TPST2: variants seen among roughly 807,000 people sequenced by gnomAD.
TPST2 encodes the protein tyrosylprotein sulfotransferase 2, also known as protein-tyrosine sulfotransferase 2.
Under a neutral mutation model 27.8 loss-of-function variants are expected in TPST2, and 16 were observed. The ratio of observed to expected loss-of-function variants is 0.58; its 90% confidence interval spans 0.39 to 0.88. The LOEUF is 0.88. TPST2 is among the 40% of genes least tolerant of loss of function. The probability of loss-of-function intolerance (pLI) is 0.00; values close to 1 mark genes in which losing one functional copy is unlikely to be tolerated. For synonymous variants in TPST2, 229 were observed against 231.7 expected (o/e 0.99, Z 0.10); for missense variants, 464 against 543.1 (o/e 0.85, Z 1.45).
At position 26,541,813 on chromosome 22, in the gene TPST2, C is replaced by T; in HGVS notation, c.-88-95G>A. 8.2e-7 allele frequency: 1 copy of T among 1,220,722 alleles called. No individual in the cohort carries two copies. Among genetic ancestry groups the T allele is most frequent in the South Asian group, 1.6e-5 (1 of 61,822 alleles). 75.6% of individuals were successfully genotyped at this position (1,220,722 alleles called of 1,614,324 possible). A position where few individuals can be genotyped will look rare whatever the true frequency, so the allele number is the denominator to read the frequency against. On this transcript the variant is annotated intron_variant, in intron 2 of 6. Coordinates refer to ENST00000338754, the MANE Select transcript of TPST2 (RefSeq NM_003595.5). This position sits in a 1 kb window ranked among gnomAD's most constrained non-coding sequence, Gnocchi z 5.9. ...CCCTATAACTGCAAACAAGAGGCTGCTGACATGAATGCAGAGGGCACCTTT... is the reference window on the plus strand; with the variant it reads ...CCCTATAACTGCAAACAAGAGGCTGTTGACATGAATGCAGAGGGCACCTTT...
chr22:26,556,527 C>A (rs112717515), intron 1 of TPST2, among the ~76,000 whole-genome samples: 2 of 152,010 alleles, frequency 1.3e-5, no homozygotes, highest in African/African-American at 4.8e-5. Context: ...GCGACAAGAG[C>A]GAAACTCCAT....
At chr22:26,578,898 C>CTCTA (rs917272222) in intron 1 of TPST2, among the ~76,000 whole-genome samples, 2 of 150,152 alleles carry the variant, frequency 1.3e-5, no homozygotes, top group Non-Finnish European at 3.0e-5. Flanking sequence ...GTCACCCAGG[C>CTCTA]TAGAGTGCAG....
chr22:26,581,375 C>G (rs1449654723), intron 1 of TPST2, among the ~76,000 whole-genome samples: 1 of 152,194 alleles, frequency 6.6e-6, no homozygotes, highest in Non-Finnish European at 1.5e-5. Flanking sequence ...TCTCAGAACC[C>G]AGCATGGTCC....
intron 1 of TPST2, among the ~76,000 whole-genome samples, chr22:26,549,656 C>CAAA (rs71192939): frequency 5.1e-5 from 3 of 58,674 alleles, no homozygotes; most frequent in Non-Finnish European, 8.6e-5. Context: ...GACTCCGTCT[C>CAAA]AAAAAAAAAA....
At position 26,590,100 on chromosome 22, in the gene TPST2, C is replaced by T. The variant is rs960392527; in HGVS notation, c.-208G>A. ...GCCCCACGCACCCAGCGACTCCCGGCTCTCCAGCCGCCCCAGCCGGGGAAG... is the reference window on the plus strand; with the variant it reads ...GCCCCACGCACCCAGCGACTCCCGGTTCTCCAGCCGCCCCAGCCGGGGAAG... On this transcript the variant is annotated 5_prime_UTR_variant, in exon 1 of 7. Transcript: ENST00000338754. 1.3e-5 allele frequency: 2 copies of T among 151,976 alleles called. No homozygotes were observed. The highest frequency in any genetic ancestry group is 4.8e-5 in the African/African-American group (2 of 41,414). The allele number at this position is 151,976 out of a possible 1,614,324, so 9.4% of individuals were successfully genotyped here.
chr22:26,548,560 G>C (rs1002546177), intron 1 of TPST2, among the ~76,000 whole-genome samples: 11 of 148,530 alleles, frequency 7.4e-5, no homozygotes, highest in African/African-American at 2.5e-4. Flanking sequence ...AAGAGAAAGA[G>C]AGAAGAAAGA....
intron 1 of TPST2, among the ~76,000 whole-genome samples, chr22:26,576,511 G>C (rs777640583): frequency 6.6e-6 from 1 of 152,032 alleles, no homozygotes; most frequent in Non-Finnish European, 1.5e-5. Flanking sequence ...AACACGTGCA[G>C]AAGTTAGAGG....
At position 26,527,915 on chromosome 22, in the gene TPST2, C is replaced by T. The variant is rs533587175; in HGVS notation, c.*7+299G>A. Among the ~76,000 whole-genome samples the T allele has an allele frequency of 5.3e-5, 8 of 152,340 alleles. No individual in the cohort carries two copies. In the East Asian group the frequency reaches 1.3e-3, roughly 26 times the overall value. ...AAAATGGTTCCAGAATCTCCCCCTC[C>T]CCCATCATAGTGGTGCTTCCTGCCC... On this transcript the variant is annotated intron_variant, in intron 6 of 6. Coordinates refer to ENST00000338754, the MANE Select transcript of TPST2 (RefSeq NM_003595.5).
At chr22:26,561,334 T>C (rs529498398) in intron 1 of TPST2, among the ~76,000 whole-genome samples, 12 of 152,334 alleles carry the variant, frequency 7.9e-5, no homozygotes, top group Admixed American at 6.5e-4. Context: ...TGTCTTTAGA[T>C]AGCCCTGTCC....
chr22:26,588,175 A>G (rs201830222), intron 1 of TPST2, among the ~76,000 whole-genome samples: 2 of 145,000 alleles, frequency 1.4e-5, no homozygotes, highest in South Asian at 2.3e-4. Flanking sequence ...AATATTATGC[A>G]GCCATAAAAA....
At position 26,525,839 on chromosome 22, in the gene TPST2, G is replaced by A. The variant is rs1924799905; in HGVS notation, c.*436C>T. The A allele has an allele frequency of 6.6e-6, 1 of 152,466 alleles. No homozygotes were observed. The highest frequency in any genetic ancestry group is 6.6e-5 in the Admixed American group (1 of 15,266). 9.4% of individuals were successfully genotyped at this position (152,466 alleles called of 1,614,324 possible). The stretch of plus-strand genomic sequence containing the variant: ...TGTGAAACTAGGTAGAACTGAGGAG[G>A]AATCAAAGAAAGCCTCATATATTAA... On this transcript the variant is annotated 3_prime_UTR_variant, in exon 7 of 7. Transcript: ENST00000338754.
rs200668735 is a variant in TPST2 at position 26,541,569 on chromosome 22, G to A, written c.62C>T (p.Ala21Val). The change falls in exon 3 of 7, where the codon GCG (alanine) becomes GTG (valine). Residue 21 changes from alanine to valine, a missense_variant. By Grantham distance (64) the Ala-to-Val change is moderately conservative. Coordinates refer to ENST00000338754, the MANE Select transcript of TPST2 (RefSeq NM_003595.5). The surrounding 1 kb of genome is among the most constrained non-coding windows in gnomAD (Gnocchi z 5.9). ...TAGCACCTGCTGTCCCAGCTGAACC[G>A]CCAGCACCAGGACCAGGGCGCAGCC... ...AAGCALVLVL[A>V]VQLGQQVLEC... 203 of 1,608,644 alleles carry A rather than the reference G, an allele frequency of 1.3e-4. No individual in the cohort carries two copies. The African/African-American group carries it at 2.1e-3, about 17-fold the overall frequency.
At chr22:26,582,999 C>A (rs1223759415) in intron 1 of TPST2, among the ~76,000 whole-genome samples, 1 of 151,762 alleles carries the variant, frequency 6.6e-6, no homozygotes, top group African/African-American at 2.4e-5. Flanking sequence ...CCAGTCCCAG[C>A]ACTCTGGGAG....
At chr22:26,557,650 G>T (rs904124080) in intron 1 of TPST2, among the ~76,000 whole-genome samples, 4 of 151,766 alleles carry the variant, frequency 2.6e-5, no homozygotes, top group African/African-American at 9.7e-5. Flanking sequence ...GTCTGGTTGT[G>T]ACCTGGGAGG....
At chr22:26,549,866 C>CAA (rs1471741142) in intron 1 of TPST2, among the ~76,000 whole-genome samples, 1 of 96,112 alleles carries the variant, frequency 1.0e-5, no homozygotes. Context: ...CCCCTCTCTA[C>CAA]TAAAAAAAAA....
In TPST2 at chr22:26,541,710, G is replaced by C. The variant is rs909311161; in HGVS notation, c.-80C>G. On this transcript the variant is annotated 5_prime_UTR_variant, in exon 3 of 7. Transcript: ENST00000338754. This position sits in a 1 kb window ranked among gnomAD's most constrained non-coding sequence, Gnocchi z 5.9. The stretch of plus-strand genomic sequence containing the variant: ...CGACAGGTTAGCGGGCAGCCCGCCA[G>C]GCTCACATCTGGGGAGAGAGGGGGA... 6.1e-6 allele frequency: 9 copies of C among 1,470,246 alleles called. No individual in the cohort carries two copies. Among genetic ancestry groups the C allele is most frequent in the Non-Finnish European group, 8.1e-6 (9 of 1,117,840 alleles). 91.1% of individuals were successfully genotyped at this position (1,470,246 alleles called of 1,614,324 possible).
In TPST2 at chr22:26,536,308, C is replaced by T. The variant is rs997457694; in HGVS notation, c.1021G>A (p.Val341Ile). The change falls in exon 4 of 7, where the codon GTC becomes ATC. Residue 341 changes from valine to isoleucine, a missense_variant. By Grantham distance (29) the Val-to-Ile change is conservative. Coordinates refer to ENST00000338754, the MANE Select transcript of TPST2 (RefSeq NM_003595.5). ...PPNYGNPDPF[V>I]INNTQRVLKG... ...CTCACCCGCTGTGTGTTGTTGATGA[C>T]GAAGGGGTCAGGGTTGCCATAGTTG... is the stretch of plus-strand genomic sequence containing the variant. The T allele has an allele frequency of 3.0e-5, 48 of 1,614,008 alleles. No individual in the cohort carries two copies. The highest frequency in any genetic ancestry group is 4.0e-5 in the African/African-American group (3 of 74,882).
intron 1 of TPST2, among the ~76,000 whole-genome samples, chr22:26,579,719 C>T (rs1017742375): frequency 1.3e-5 from 2 of 151,416 alleles, no homozygotes; most frequent in South Asian, 2.1e-4. Flanking sequence ...GGCTTGGGGT[C>T]GGCAGCGGGA....
intron 1 of TPST2, among the ~76,000 whole-genome samples, chr22:26,549,278 A>AAAC (rs1054858291): frequency 6.6e-6 from 1 of 152,208 alleles, no homozygotes; most frequent in Non-Finnish European, 1.5e-5. Context: ...AGCAGAAGCC[A>AAAC]AACAACAAGT....
Sources: allele counts gnomAD v4.1 joint callset (sites outside exome capture counted in the v4.1 genomes callset), GRCh38; gene constraint gnomAD v4.1.1; non-coding constraint Gnocchi (gnomAD v3.1); transcripts MANE v1.5; gene names NCBI Gene and HGNC (gene_info 2026-07-23, HGNC 2026-07-21).